Variants in ATM observed in about 807,000 individuals in gnomAD.
ATM encodes ATM serine/threonine kinase.
In ATM, 308 loss-of-function variants were observed where a neutral mutation model predicts 387.0. That is an observed-to-expected ratio of 0.80 (90% CI 0.73 to 0.87). The LOEUF (loss-of-function observed/expected upper bound fraction) is 0.87. Among genes scored for constraint, ATM ranks in the 40% least tolerant of loss-of-function variants. The pLI, the probability that ATM is intolerant of heterozygous loss-of-function variation, is 0.00. For missense variants in ATM, 3,312 were observed against 3,560.9 expected, an observed-to-expected ratio of 0.93 and a Z score of 1.78; for synonymous variants, 1,156 against 1,187.3, an observed-to-expected ratio of 0.97 and a Z score of 0.54.
In ATM at chr11:108,366,767, T is replaced by C. The variant is rs2091354445; in HGVS notation, c.*1259T>C. On this transcript the variant is annotated 3_prime_UTR_variant, in exon 63 of 63. Coordinates refer to ENST00000675843, the MANE Select transcript of ATM (RefSeq NM_000051.4). Reference sequence around the variant, plus strand: ...TTGTGCTAGTGGGCAGAATATTTGATTGATGCCTTTTTCACTGAGAGTATA... The same window carrying C: ...TTGTGCTAGTGGGCAGAATATTTGACTGATGCCTTTTTCACTGAGAGTATA... 1 of 230,624 alleles carries C rather than the reference T, an allele frequency of 4.3e-6. No homozygotes were observed. Among genetic ancestry groups the C allele is most frequent in the African/African-American group, 2.2e-5 (1 of 45,218 alleles). 14.3% of individuals were successfully genotyped at this position (230,624 alleles called of 1,614,324 possible).
At chr11:108,261,463 C>T (rs2080881637) in intron 16 of ATM, among the ~76,000 whole-genome samples, 1 of 152,110 alleles carries the variant, frequency 6.6e-6, no homozygotes, top group South Asian at 2.1e-4. Flanking sequence ...AAAGGACATC[C>T]ACACCAAAAA....
At position 108,267,287 on chromosome 11, in the gene ATM, C is replaced by T. The variant is rs886039633; in HGVS notation, c.2583C>T (p.Tyr861=). Residue 861 remains tyrosine, a synonymous_variant, in exon 17 of 63, where the codon TAC becomes TAT. Coordinates refer to ENST00000675843, the MANE Select transcript of ATM (RefSeq NM_000051.4). The part of the protein sequence containing the change: ...DQSSMNLFND[Y]PDSSVSDANE... ...CATCCATGAATCTATTTAACGATTA[C>T]CCTGATAGTAGTGTTAGTGATGCAA... 6.2e-7 allele frequency: 1 copy of T among 1,613,942 alleles called. No homozygotes were observed. Among genetic ancestry groups the T allele is most frequent in the Non-Finnish European group, 8.5e-7 (1 of 1,179,980 alleles).
At chr11:108,322,151 T>G (rs1170836982) in intron 45 of ATM, among the ~76,000 whole-genome samples, 2 of 152,124 alleles carry the variant, frequency 1.3e-5, no homozygotes, top group African/African-American at 2.4e-5. Context: ...TTGTTTTCTT[T>G]TTTTTCTTTT....
chr11:108,248,924 ATTTTACAGGT>A lies in ATM; in HGVS notation c.1066-3_1072del, dbSNP rs1591517089. ...AAAAGAAAAAAGTGGATTTATTTTTATTTTACAGGTTTTTAATGAAGATACCAGATCCTTG... is the reference window on the plus strand; with the variant it reads ...AAAAGAAAAAAGTGGATTTATTTTTATTTTAATGAAGATACCAGATCCTTG... On this transcript the variant is annotated splice_acceptor_variant and splice_polypyrimidine_tract_variant and coding_sequence_variant and intron_variant, in exon 9 of 63. Coordinates refer to ENST00000675843, the MANE Select transcript of ATM (RefSeq NM_000051.4). LOFTEE classifies it high-confidence loss of function. 1 of 1,579,738 alleles carries A rather than the reference ATTTTACAGGT, an allele frequency of 6.3e-7. No homozygotes were observed. Among genetic ancestry groups the A allele is most frequent in the Non-Finnish European group, 8.6e-7 (1 of 1,161,122 alleles).
At chr11:108,338,080 G>A (rs921558164) in intron 56 of ATM, among the ~76,000 whole-genome samples, 4 of 152,252 alleles carry the variant, frequency 2.6e-5, no homozygotes, top group Non-Finnish European at 4.4e-5. Context: ...CGGGCATGGT[G>A]GCCCACGCCT....
intron 56 of ATM, among the ~76,000 whole-genome samples, chr11:108,337,821 T>C (rs1200703966): frequency 6.6e-6 from 1 of 152,208 alleles, no homozygotes; most frequent in Non-Finnish European, 1.5e-5. Context: ...AGGTGAAGAA[T>C]TGGGTTACAA....
intron 1 of ATM, chr11:108,224,195 G>C (rs930943252): frequency 6.6e-6 from 1 of 152,202 alleles, no homozygotes; most frequent in Non-Finnish European, 1.5e-5. Flanking sequence ...GAAGAGATTA[G>C]TGAACTTGCT....
rs544256317 is a variant in ATM, at chr11:108,351,702, C to G, written c.8672-2064C>G. 2.6e-5 allele frequency among the ~76,000 whole-genome samples: 4 copies of G among 152,272 alleles called. No individual in the cohort carries two copies. In the East Asian group the frequency reaches 7.7e-4, roughly 29 times the overall value. On this transcript the variant is annotated intron_variant, in intron 59 of 62. Transcript: ENST00000675843. The stretch of plus-strand genomic sequence containing the variant: ...AGGGGAAGGAAGTGGAAGTTAAGGG[C>G]TAGGCCTGCAACTTGCACAGTATCA...
At chr11:108,227,332 T>A (rs2078789491) in intron 1 of ATM, 1 of 347,298 alleles carries the variant, frequency 2.9e-6, no homozygotes, top group Admixed American at 4.3e-5. Flanking sequence ...TTTATTTTAA[T>A]CCTGCTACTA....
chr11:108,347,776 A>G (rs992282981), intron 59 of ATM, among the ~76,000 whole-genome samples: 5 of 152,160 alleles, frequency 3.3e-5, no homozygotes, highest in Non-Finnish European at 7.4e-5. Context: ...GATTGGTACT[A>G]GACTGTAAAA....
chr11:108,282,702 T>A lies in ATM; in HGVS notation c.3577-8T>A, dbSNP rs1555092222. The A allele has an allele frequency of 6.2e-7, 1 of 1,612,390 alleles. No homozygotes were observed. Among genetic ancestry groups the A allele is most frequent in the Non-Finnish European group, 8.5e-7 (1 of 1,179,320 alleles). On this transcript the variant is annotated splice_region_variant and splice_polypyrimidine_tract_variant and intron_variant, in intron 24 of 62. Transcript: ENST00000675843. ...TTTCTTAACACATTGACTTTTTGGT[T>A]CGTGCAGGTTTTAGAGAAAGTTTCT...
chr11:108,288,860 A>T, intron 27 of ATM, 117 bp from the exon 28 acceptor site: 1 of 1,220,342 alleles, frequency 8.2e-7, no homozygotes, highest in South Asian at 1.3e-5. Flanking sequence ...TTTCAGTAGA[A>T]AAATGGTTTT....
intron 25 of ATM, among the ~76,000 whole-genome samples, chr11:108,283,485 T>C (rs1309625616): frequency 6.6e-6 from 1 of 152,242 alleles, no homozygotes; most frequent in Non-Finnish European, 1.5e-5. Flanking sequence ...TGGACTTTGC[T>C]ATGCATTTTA....
At chr11:108,253,591 T>G (rs1419860597) in intron 12 of ATM, among the ~76,000 whole-genome samples, 1 of 152,038 alleles carries the variant, frequency 6.6e-6, no homozygotes, top group African/African-American at 2.4e-5. Flanking sequence ...ATTTTTTCTC[T>G]ATCTATTAGT....
chr11:108,235,966 A>G (rs1591476153), intron 5 of ATM, 132 bp downstream of exon 5: 3 of 991,458 alleles, frequency 3.0e-6, no homozygotes, highest in South Asian at 1.3e-5. Context: ...GTAAAATTAT[A>G]TGGTTATCGA....
intron 56 of ATM, 178 bp downstream of exon 56, chr11:108,336,139 G>C: frequency 2.5e-6 from 1 of 405,160 alleles, no homozygotes. Context: ...TTGACAAAAA[G>C]TTAAAAAAAA....
intron 49 of ATM, among the ~76,000 whole-genome samples, chr11:108,329,857 TATC>T (rs55677322): frequency 0.012 from 1,884 of 152,348 alleles, 49 homozygotes; most frequent in African/African-American, 0.042. Flanking sequence ...TGTTTGTTGG[TATC>T]ATAGTGGAAA....
intron 37 of ATM, among the ~76,000 whole-genome samples, chr11:108,305,207 A>G (rs1231673326): frequency 6.6e-6 from 1 of 152,206 alleles, no homozygotes; most frequent in Non-Finnish European, 1.5e-5. Context: ...AAAAACAAAC[A>G]CAATCAGATA....
chr11:108,252,580 C>T (rs1266440504), intron 11 of ATM, among the ~76,000 whole-genome samples: 1 of 152,088 alleles, frequency 6.6e-6, no homozygotes, highest in African/African-American at 2.4e-5. Context: ...TTATTTATTT[C>T]AGAAATAATG....
Sources: allele counts gnomAD v4.1 joint callset (sites outside exome capture counted in the v4.1 genomes callset), GRCh38; gene constraint gnomAD v4.1.1; transcripts MANE v1.5; gene names NCBI Gene and HGNC (gene_info 2026-07-23, HGNC 2026-07-21).